Variants in FRMD7 observed in about 807,000 individuals in gnomAD.
FRMD7 encodes FERM domain containing 7, also known as FERM domain-containing protein 7.
In FRMD7, 14 loss-of-function variants were observed where a neutral mutation model predicts 44.1. The observed-to-expected ratio is 0.32, with a 90% confidence interval of 0.21 to 0.50. FRMD7 has a LOEUF of 0.50. FRMD7 is among the 20% of genes least tolerant of loss of function. The pLI, the probability that FRMD7 is intolerant of heterozygous loss-of-function variation, is 0.99. For synonymous variants in FRMD7, 212 were observed against 187.4 expected, an observed-to-expected ratio of 1.13 and a Z score of -1.07; for missense variants, 501 against 522.3, an observed-to-expected ratio of 0.96 and a Z score of 0.40.
chrX:132,105,403 T>G (rs977705775), intron 1 of FRMD7, among the ~76,000 whole-genome samples: 1 of 112,000 alleles, frequency 8.9e-6, no homozygotes, highest in African/African-American at 3.2e-5. Flanking sequence ...AAATAAGACA[T>G]TCTCAGTATC....
intron 5 of FRMD7, among the ~76,000 whole-genome samples, chrX:132,092,055 C>T: frequency 9.0e-6 from 1 of 111,708 alleles, no homozygotes; most frequent in Non-Finnish European, 1.9e-5. Context: ...AATGTGAGCT[C>T]CACAAGGGCA....
intron 1 of FRMD7, among the ~76,000 whole-genome samples, chrX:132,103,735 C>T (rs1327562691): frequency 8.9e-6 from 1 of 111,926 alleles, no homozygotes; most frequent in Non-Finnish European, 1.9e-5. Flanking sequence ...TAAAATAAAT[C>T]GGGATTGTAA....
At position 132,082,529 on chromosome X, in the gene FRMD7, G is replaced by A. The variant is rs1431447150; in HGVS notation, c.742-3C>T. ...TCCAAGGTATCCTTGCACAACACCT[G>A]TATAAACCAATTTCCATTAAGTAAA... On this transcript the variant is annotated splice_polypyrimidine_tract_variant and splice_region_variant and intron_variant, in intron 8 of 11. Coordinates refer to ENST00000298542, the MANE Select transcript of FRMD7 (RefSeq NM_194277.3). 1.7e-6 allele frequency: 2 copies of A among 1,197,943 alleles called. No individual in the cohort carries two copies. Among genetic ancestry groups the A allele is most frequent in the East Asian group, 3.0e-5 (1 of 33,737 alleles).
In FRMD7 at chrX:132,083,224, G is replaced by A. The variant is rs1014226018; in HGVS notation, c.742-698C>T. On this transcript the variant is annotated intron_variant, in intron 8 of 11. Coordinates refer to ENST00000298542, the MANE Select transcript of FRMD7 (RefSeq NM_194277.3). ...TTCCACCTCAACCTCTTAAAGCACT[G>A]GGATTATGAACGCAAGCCACTACAC... is the stretch of plus-strand genomic sequence containing the variant. 1.1e-4 allele frequency among the ~76,000 whole-genome samples: 12 copies of A among 111,955 alleles called. No individual in the cohort carries two copies. In the Admixed American group the frequency reaches 1.1e-3, roughly 11 times the overall value.
intron 1 of FRMD7, among the ~76,000 whole-genome samples, chrX:132,102,571 C>CATGAA (rs1928530718): frequency 9.0e-6 from 1 of 110,917 alleles, no homozygotes; most frequent in African/African-American, 3.3e-5. Flanking sequence ...ATTGCAGACA[C>CATGAA]ATGAAATTGC....
At chrX:132,079,869 C>T in intron 11 of FRMD7, 137 bp downstream of exon 11, 1 of 539,437 alleles carries the variant, frequency 1.9e-6, no homozygotes, top group Non-Finnish European at 3.4e-6. Context: ...GCTGACAGAC[C>T]TCCCCAGGAA....
At chrX:132,096,392 G>C (rs1928334494) in intron 4 of FRMD7, among the ~76,000 whole-genome samples, 1 of 110,402 alleles carries the variant, frequency 9.1e-6, no homozygotes, top group South Asian at 3.8e-4. Context: ...GGCTCGATTA[G>C]ATTATCTCTC....
At chrX:132,100,514 C>T in intron 2 of FRMD7, 98 bp downstream of exon 2, 1 of 605,322 alleles carries the variant, frequency 1.7e-6, no homozygotes, top group Non-Finnish European at 2.8e-6. Context: ...CATAGTTTTT[C>T]ATTTTTCAAT....
intron 1 of FRMD7, among the ~76,000 whole-genome samples, chrX:132,124,484 G>GGCACATTCTA (rs1308472089): frequency 9.0e-6 from 1 of 111,729 alleles, no homozygotes; most frequent in Non-Finnish European, 1.9e-5. Flanking sequence ...TACTTTAGTA[G>GGCACATTCTA]GCACATTCTA....
intron 11 of FRMD7, 151 bp from the exon 12 acceptor site, chrX:132,079,117 TAAAG>T (rs1342429119): frequency 9.5e-6 from 5 of 523,637 alleles, no homozygotes; most frequent in South Asian, 5.4e-5. Context: ...GATAAATATA[TAAAG>T]AAAGGGTAAT....
In FRMD7 at chrX:132,078,272, A is replaced by C. The variant is rs1927679933; in HGVS notation, c.1745T>G (p.Ile582Ser). 1 of 1,211,324 alleles carries C rather than the reference A, an allele frequency of 8.3e-7. No homozygotes were observed. Among genetic ancestry groups the C allele is most frequent in the African/African-American group, 1.7e-5 (1 of 57,838 alleles). Residue 582 changes from isoleucine (I) to serine (S), a missense_variant, in exon 12 of 12, where the codon ATT (isoleucine) becomes AGT (serine). Ile to Ser is a moderately radical substitution (Grantham distance 142). Transcript: ENST00000298542. ...GGACCTTTTAGGGGTTTGCTCTTGA[A>C]TGTTACATACAAATGCATCTTCCAA... Reference protein sequence around the residue: ...PNLEDAFVCNIQEQTPKRSQS... With the variant: ...PNLEDAFVCNSQEQTPKRSQS...
intron 1 of FRMD7, among the ~76,000 whole-genome samples, chrX:132,112,997 G>T (rs146992212): frequency 2.6e-4 from 29 of 111,125 alleles, no homozygotes; most frequent in African/African-American, 8.5e-4. Flanking sequence ...ACACTAAGGG[G>T]GGCAGGGGTG....
intron 2 of FRMD7, among the ~76,000 whole-genome samples, chrX:132,100,355 C>T (rs995866797): frequency 8.9e-6 from 1 of 112,349 alleles, no homozygotes; most frequent in Non-Finnish European, 1.9e-5. Flanking sequence ...TGGTCTTGAA[C>T]TCCTGACCTC....
At chrX:132,090,221 A>G (rs1928123993) in intron 5 of FRMD7, among the ~76,000 whole-genome samples, 1 of 111,014 alleles carries the variant, frequency 9.0e-6, no homozygotes, top group Non-Finnish European at 1.9e-5. Context: ...TACTAAAAAT[A>G]CAAAAATTAG....
intron 4 of FRMD7, among the ~76,000 whole-genome samples, chrX:132,096,565 A>C (rs1460489852): frequency 9.6e-6 from 1 of 104,176 alleles, no homozygotes; most frequent in African/African-American, 3.6e-5. Flanking sequence ...AAAAAAAAAA[A>C]ACCTTAAAAA....
chrX:132,124,654 A>G (rs1177097090), intron 1 of FRMD7, among the ~76,000 whole-genome samples: 1 of 112,321 alleles, frequency 8.9e-6, no homozygotes, highest in Non-Finnish European at 1.9e-5. Context: ...AACAAGATGT[A>G]TTTGGGAGCA....
At chrX:132,089,929 A>G (rs751783275) in intron 5 of FRMD7, among the ~76,000 whole-genome samples, 1 of 112,464 alleles carries the variant, frequency 8.9e-6, no homozygotes, top group Non-Finnish European at 1.9e-5. Context: ...TTCAATATAA[A>G]TATATCATAA....
intron 8 of FRMD7, among the ~76,000 whole-genome samples, chrX:132,083,881 T>C (rs771198994): frequency 3.6e-5 from 4 of 111,800 alleles, no homozygotes; most frequent in East Asian, 2.8e-4. Context: ...TAGGATCACT[T>C]GAGCCCAGGA....
intron 1 of FRMD7, among the ~76,000 whole-genome samples, chrX:132,113,240 G>A (rs1928820730): frequency 8.9e-6 from 1 of 112,068 alleles, no homozygotes; most frequent in South Asian, 3.8e-4. Context: ...TCCATGTGGT[G>A]TGCATGATAC....
Sources: gnomAD v4.1 joint callset for allele counts (sites outside exome capture counted in the v4.1 genomes callset) on GRCh38, gnomAD v4.1.1 for gene constraint, MANE v1.5 for transcripts, NCBI Gene and HGNC (gene_info 2026-07-23, HGNC 2026-07-21) for gene names.